Variants in CSNK1D observed in about 807,000 individuals in gnomAD.
The protein encoded by CSNK1D is casein kinase I isoform delta.
Under a neutral mutation model 46.6 loss-of-function variants are expected in CSNK1D, and 16 were observed. The observed-to-expected ratio is 0.34, with a 90% CI of 0.23 to 0.52. CSNK1D has a LOEUF of 0.52. Among genes scored for constraint, CSNK1D ranks in the 20% least tolerant of loss-of-function variants. The pLI is 0.95. For synonymous variants in CSNK1D, 276 were observed against 228.2 expected, an observed-to-expected ratio of 1.21 and a Z score of -1.89; for missense variants, 398 against 578.4, an observed-to-expected ratio of 0.69 and a Z score of 3.20.
downstream of CSNK1D, chr17:82,239,360 C>T (rs977475812): frequency 4.6e-5 from 9 of 196,662 alleles, no homozygotes; most frequent in Non-Finnish European, 8.2e-5. Flanking sequence ...GGGCCCTCTC[C>T]AGCCCGTCCT....
chr17:82,250,724 T>C lies in CSNK1D; in HGVS notation c.885+655A>G. 6.0e-6 allele frequency: 1 copy of C among 165,658 alleles called. No individual in the cohort carries two copies. The highest frequency in any genetic ancestry group is 1.3e-4 in the South Asian group (1 of 7,496). 10.3% of individuals were successfully genotyped at this position (165,658 alleles called of 1,614,324 possible). On this transcript the variant is annotated intron_variant, in intron 6 of 8. Transcript: ENST00000314028. This position sits in a 1 kb window ranked among gnomAD's most constrained non-coding sequence, Gnocchi z 4.6. The stretch of plus-strand genomic sequence containing the variant: ...GTACCCTCCCAAGAGGCAGTTCTGC[T>C]CCTCCATCAGACTGCTGCCTGGAAA...
intron 8 of CSNK1D, chr17:82,247,714 G>A (rs758882604): frequency 2.0e-6 from 2 of 985,404 alleles, no homozygotes; most frequent in South Asian, 4.7e-5. Context: ...TGACAGCAGG[G>A]TTGTGTGCAC....
At position 82,252,942 on chromosome 17, in the gene CSNK1D, G is replaced by T; in HGVS notation, c.565+74C>A. On this transcript the variant is annotated intron_variant, in intron 4 of 8. Coordinates refer to ENST00000314028, the MANE Select transcript of CSNK1D (RefSeq NM_001893.6). The surrounding 1 kb of genome is among the most constrained non-coding windows in gnomAD (Gnocchi z 4.6). ...TGCAGCCCCAGCTCCCCGAGAGGCTGGCCTCTCCCTGGGCTGAGGCATGGA... is the reference window on the plus strand; with the variant it reads ...TGCAGCCCCAGCTCCCCGAGAGGCTTGCCTCTCCCTGGGCTGAGGCATGGA... 1 of 1,341,636 alleles carries T rather than the reference G, an allele frequency of 7.5e-7. No homozygotes were observed. Among genetic ancestry groups the T allele is most frequent in the Non-Finnish European group, 1.1e-6 (1 of 941,498 alleles). The allele number at this position is 1,341,636 out of a possible 1,614,324, so 83.1% of individuals were successfully genotyped here.
intron 8 of CSNK1D, chr17:82,245,965 C>T (rs370784659): frequency 1.1e-5 from 17 of 1,597,482 alleles, no homozygotes; most frequent in African/African-American, 5.4e-5. Flanking sequence ...GCCCGCCACG[C>T]GCACACTCAC....
intron 2 of CSNK1D, among the ~76,000 whole-genome samples, chr17:82,264,100 G>C (rs568138125): frequency 7.9e-5 from 12 of 152,366 alleles, no homozygotes; most frequent in African/African-American, 2.9e-4. Context: ...TTACGTGCTT[G>C]TGCTGAGAAA....
At chr17:82,263,702 A>G (rs888583184) in intron 2 of CSNK1D, among the ~76,000 whole-genome samples, 13 of 152,146 alleles carry the variant, frequency 8.5e-5, no homozygotes, top group Admixed American at 2.0e-4. Context: ...TCTCCTGGAG[A>G]CATCTCTCGT....
intron 1 of CSNK1D, among the ~76,000 whole-genome samples, chr17:82,270,466 G>A (rs1480485962): frequency 1.3e-5 from 2 of 152,182 alleles, no homozygotes; most frequent in South Asian, 2.1e-4. Flanking sequence ...CAGTAGGAAT[G>A]GTCTTAACGA....
rs115512778 is a variant in CSNK1D at position 82,244,255 on chromosome 17, C to T, written c.*526G>A. On this transcript the variant is annotated 3_prime_UTR_variant, in exon 9 of 9. Coordinates refer to ENST00000314028, the MANE Select transcript of CSNK1D (RefSeq NM_001893.6). ...GATCCACCTGCACCTTCTCCCTGCC[C>T]GACTCCACCTCATACACTAACTCCA... 2,259 of 1,084,052 alleles carry T rather than the reference C, an allele frequency of 2.1e-3. 41 individuals are homozygous for T. The African/African-American group carries it at 0.034, about 16-fold the overall frequency. The allele number at this position is 1,084,052 out of a possible 1,614,324, so 67.2% of individuals were successfully genotyped here. A position where few individuals can be genotyped will look rare whatever the true frequency, so the allele number is the denominator to read the frequency against.
At chr17:82,258,724 C>T (rs563000157) in intron 2 of CSNK1D, among the ~76,000 whole-genome samples, 9 of 152,294 alleles carry the variant, frequency 5.9e-5, no homozygotes, top group African/African-American at 2.2e-4. Flanking sequence ...CCAGATTCAC[C>T]TTCTTTCTTT....
At chr17:82,272,704 C>T (rs956707712) in intron 1 of CSNK1D, among the ~76,000 whole-genome samples, 1 of 152,244 alleles carries the variant, frequency 6.6e-6, no homozygotes, top group South Asian at 2.1e-4. Context: ...CCGCTCCACA[C>T]GGCATTTGGG....
downstream of CSNK1D, chr17:82,240,207 A>G: frequency 1.9e-6 from 1 of 521,564 alleles, no homozygotes; most frequent in Non-Finnish European, 3.0e-6. Flanking sequence ...AGCAGGGCTC[A>G]GGCTGGCGGG....
chr17:82,259,088 C>CT (rs968118190), intron 2 of CSNK1D, among the ~76,000 whole-genome samples: 11 of 152,360 alleles, frequency 7.2e-5, no homozygotes, highest in African/African-American at 2.6e-4. Flanking sequence ...CACCTGGCAT[C>CT]TTCCTTTCTC....
At position 82,250,647 on chromosome 17, in the gene CSNK1D, A is replaced by G; in HGVS notation, c.885+732T>C. 5.8e-6 allele frequency: 1 copy of G among 172,294 alleles called. No individual in the cohort carries two copies. The highest frequency in any genetic ancestry group is 1.1e-4 in the South Asian group (1 of 9,020). The allele number at this position is 172,294 out of a possible 1,614,324, so 10.7% of individuals were successfully genotyped here. A position where few individuals can be genotyped will look rare whatever the true frequency, so the allele number is the denominator to read the frequency against. Reference sequence around the variant, plus strand: ...AGTGCACCCCTCCCAGCATCTGGAGACCCCGCCCCTCCCTGGCCCCTGCAC... The same window carrying G: ...AGTGCACCCCTCCCAGCATCTGGAGGCCCCGCCCCTCCCTGGCCCCTGCAC... On this transcript the variant is annotated intron_variant, in intron 6 of 8. Coordinates refer to ENST00000314028, the MANE Select transcript of CSNK1D (RefSeq NM_001893.6). This position sits in a 1 kb window ranked among gnomAD's most constrained non-coding sequence, Gnocchi z 4.6.
At chr17:82,262,511 G>A (rs879585104) in intron 2 of CSNK1D, among the ~76,000 whole-genome samples, 1 of 152,198 alleles carries the variant, frequency 6.6e-6, no homozygotes, top group Non-Finnish European at 1.5e-5. Context: ...TCAAGCAAAC[G>A]TAAAGATCAG....
In CSNK1D at chr17:82,248,046, G is replaced by A. The variant is rs1351104243; in HGVS notation, c.1197+829C>T. 12 of 985,322 alleles carry A rather than the reference G, an allele frequency of 1.2e-5. No homozygotes were observed. The highest frequency in any genetic ancestry group is 1.4e-5 in the Non-Finnish European group (12 of 829,958). 61.0% of individuals were successfully genotyped at this position (985,322 alleles called of 1,614,324 possible). A position where few individuals can be genotyped will look rare whatever the true frequency, so the allele number is the denominator to read the frequency against. ...ACAAACACCTCCCCACAAGCCCAGA[G>A]CCAGGCTCCAGGGCATTTCTGAACT... is the stretch of plus-strand genomic sequence containing the variant. On this transcript the variant is annotated intron_variant, in intron 8 of 8. Coordinates refer to ENST00000314028, the MANE Select transcript of CSNK1D (RefSeq NM_001893.6). The surrounding 1 kb of genome is among the most constrained non-coding windows in gnomAD (Gnocchi z 4.1).
intron 2 of CSNK1D, among the ~76,000 whole-genome samples, chr17:82,256,504 C>A (rs1346142811): frequency 3.4e-5 from 5 of 148,030 alleles, no homozygotes; most frequent in South Asian, 2.1e-4. Flanking sequence ...CAGAGCAAGA[C>A]CCTGTCAAAA....
At chr17:82,270,311 C>A (rs960611551) in intron 1 of CSNK1D, among the ~76,000 whole-genome samples, 7 of 152,186 alleles carry the variant, frequency 4.6e-5, no homozygotes, top group African/African-American at 1.7e-4. Flanking sequence ...GCTTCTAGCC[C>A]ACAGGCACTC....
Position 82,248,384 on chromosome 17 carries a change from CAAA to C in CSNK1D, c.1197+488_1197+490del. On this transcript the variant is annotated intron_variant, in intron 8 of 8. Transcript: ENST00000314028. The surrounding 1 kb of genome is among the most constrained non-coding windows in gnomAD (Gnocchi z 4.1). Reference sequence around the variant, plus strand: ...TCCAAGGGAAGACAGGTGAGGCCGTCAAAAGAAGGAAAGCCTCGTTGCAGGGCA... The same window carrying C: ...TCCAAGGGAAGACAGGTGAGGCCGTCAGAAGGAAAGCCTCGTTGCAGGGCA... 1.0e-6 allele frequency: 1 copy of C among 1,001,578 alleles called. No homozygotes were observed. Among genetic ancestry groups the C allele is most frequent in the Non-Finnish European group, 1.2e-6 (1 of 838,662 alleles). 62.0% of individuals were successfully genotyped at this position (1,001,578 alleles called of 1,614,324 possible).
Position 82,249,594 on chromosome 17 carries a change from G to T in CSNK1D, c.894C>A (p.Ser298Arg). 1 of 1,559,958 alleles carries T rather than the reference G, an allele frequency of 6.4e-7. No individual in the cohort carries two copies. ...FDWNMLKFGA[S>R]RAADDAERER... The stretch of plus-strand genomic sequence containing the variant: ...CCCGCTCGGCGTCATCGGCGGCCCG[G>T]CTGGCACCCTGAGGAGGCAGGAGGT... The change falls in exon 7 of 9, where the codon AGC (serine) becomes AGA (arginine). Residue 298 changes from serine to arginine, a missense_variant. Transcript: ENST00000314028. The surrounding 1 kb of genome is among the most constrained non-coding windows in gnomAD (Gnocchi z 6.7).
Sources: allele counts gnomAD v4.1 joint callset (sites outside exome capture counted in the v4.1 genomes callset), GRCh38; gene constraint gnomAD v4.1.1; non-coding constraint Gnocchi (gnomAD v3.1); transcripts MANE v1.5; gene names NCBI Gene and HGNC (gene_info 2026-07-23, HGNC 2026-07-21).